Variants in DNM3 observed in about 807,000 individuals in gnomAD.
DNM3 encodes the protein dynamin-3.
DNM3 carries 47 observed loss-of-function variants against 101.6 expected under a neutral mutation model. The observed-to-expected ratio is 0.46, with a 90% CI of 0.37 to 0.59. The LOEUF is 0.59. Among genes scored for constraint, DNM3 ranks in the 20% least tolerant of loss-of-function variants. The pLI is 0.00. For missense variants in DNM3, 849 were observed against 1,085.7 expected (o/e 0.78, Z 3.06); for synonymous variants, 385 against 387.9 (o/e 0.99, Z 0.09).
At chr1:172,248,068 C>T (rs1022154218) in intron 14 of DNM3, among the ~76,000 whole-genome samples, 7 of 152,072 alleles carry the variant, frequency 4.6e-5, no homozygotes, top group Non-Finnish European at 8.8e-5. Context: ...CTCCTAGGAG[C>T]AGAATCTATG....
intron 2 of DNM3, among the ~76,000 whole-genome samples, chr1:171,973,045 C>T (rs987472864): frequency 4.6e-5 from 7 of 152,026 alleles, no homozygotes; most frequent in Non-Finnish European, 8.8e-5. Context: ...GTCATAACCC[C>T]AGAAACAAGA....
rs74316353 is a variant in DNM3 at position 172,134,589 on chromosome 1, C to G, written c.1659+3301C>G. Among the ~76,000 whole-genome samples, 1,116 of 152,212 alleles carry G rather than the reference C, an allele frequency of 7.3e-3. 17 individuals are homozygous for G. The highest frequency in any genetic ancestry group is 0.025 in the African/African-American group (1,039 of 41,530). On this transcript the variant is annotated intron_variant, in intron 14 of 20. Coordinates refer to ENST00000627582, the MANE Select transcript of DNM3 (RefSeq NM_015569.5). Reference sequence around the variant, plus strand: ...TACTTTCTGAACACTTGTTATGTACCAGGCACTGTCCTAATCACTAAGGAT... The same window carrying G: ...TACTTTCTGAACACTTGTTATGTACGAGGCACTGTCCTAATCACTAAGGAT...
chr1:172,414,748 C>A (rs2071366020), downstream of DNM3, among the ~76,000 whole-genome samples: 1 of 69,102 alleles, frequency 1.4e-5, no homozygotes, highest in African/African-American at 6.3e-5. Context: ...AAGACCTCAT[C>A]TCTAAAAAAA....
intron 13 of DNM3, among the ~76,000 whole-genome samples, chr1:172,118,669 A>C (rs1313833983): frequency 6.6e-6 from 1 of 151,806 alleles, no homozygotes; most frequent in African/African-American, 2.4e-5. Flanking sequence ...TCTGTCACCC[A>C]CCCGTTCCAC....
chr1:172,119,085 C>T (rs61807763), intron 13 of DNM3, among the ~76,000 whole-genome samples: 28,260 of 151,742 alleles, frequency 0.19, 3,566 homozygotes, highest in Non-Finnish European at 0.28. Context: ...CTCCGCCTCC[C>T]GGGTTCAAGC....
At chr1:172,166,027 C>T (rs1401161946) in intron 14 of DNM3, among the ~76,000 whole-genome samples, 1 of 152,162 alleles carries the variant, frequency 6.6e-6, no homozygotes, top group Non-Finnish European at 1.5e-5. Context: ...GAGGGTCTCT[C>T]TTCCGAGATC....
intron 4 of DNM3, among the ~76,000 whole-genome samples, chr1:171,997,616 A>G (rs1226545362): frequency 1.3e-5 from 2 of 152,158 alleles, no homozygotes; most frequent in Admixed American, 1.3e-4. Flanking sequence ...TCGTGCTCAT[A>G]TACACTAACA....
At chr1:172,066,990 G>A (rs545403405) in intron 10 of DNM3, among the ~76,000 whole-genome samples, 63 of 151,816 alleles carry the variant, frequency 4.1e-4, no homozygotes, top group Admixed American at 9.2e-4. Flanking sequence ...GTGTGTGTGC[G>A]CGCGTGCAAG....
intron 17 of DNM3, among the ~76,000 whole-genome samples, chr1:172,368,418 T>A (rs1424653852): frequency 6.6e-6 from 1 of 151,854 alleles, no homozygotes; most frequent in African/African-American, 2.4e-5. Flanking sequence ...AAAAAATTTC[T>A]TGAAACAAAT....
At chr1:172,283,780 A>AAAAG (rs1553221114) in intron 15 of DNM3, among the ~76,000 whole-genome samples, 1,461 of 117,732 alleles carry the variant, frequency 0.012, 27 homozygotes, top group African/African-American at 0.04. Flanking sequence ...AAAAAAAAAA[A>AAAAG]AAAGAAAGAA....
At chr1:172,119,193 T>C (rs529332391) in intron 13 of DNM3, among the ~76,000 whole-genome samples, 56 of 152,042 alleles carry the variant, frequency 3.7e-4, no homozygotes, top group African/African-American at 1.2e-3. Context: ...GGTTTATCCA[T>C]ATTGGTGAGG....
chr1:172,315,558 T>G (rs1190860307), intron 16 of DNM3, among the ~76,000 whole-genome samples: 2 of 152,146 alleles, frequency 1.3e-5, no homozygotes, highest in Non-Finnish European at 2.9e-5. Flanking sequence ...CTGATGGAGC[T>G]GAAAGCCAAC....
intron 14 of DNM3, chr1:172,138,883 C>T: frequency 2.1e-6 from 1 of 474,198 alleles, no homozygotes; most frequent in Non-Finnish European, 4.4e-6. Context: ...CAGGCAGACA[C>T]ATGACAACTC....
chr1:172,111,318 T>G (rs2055461798), intron 13 of DNM3, among the ~76,000 whole-genome samples: 1 of 152,214 alleles, frequency 6.6e-6, no homozygotes, highest in South Asian at 2.1e-4. Flanking sequence ...AGAACCATGG[T>G]ACCAATAATT....
intron 1 of DNM3, among the ~76,000 whole-genome samples, chr1:171,869,589 T>A (rs2035083702): frequency 6.6e-6 from 1 of 152,216 alleles, no homozygotes. Flanking sequence ...TTGACCTGAA[T>A]TTTTCTGGCT....
At chr1:171,858,756 C>T (rs1349497575) in intron 1 of DNM3, among the ~76,000 whole-genome samples, 1 of 152,094 alleles carries the variant, frequency 6.6e-6, no homozygotes, top group South Asian at 2.1e-4. Flanking sequence ...CTGAGGATAA[C>T]GAATGCAGTG....
intron 13 of DNM3, among the ~76,000 whole-genome samples, chr1:172,110,168 C>T (rs1297320533): frequency 6.6e-6 from 1 of 152,186 alleles, no homozygotes; most frequent in East Asian, 1.9e-4. Context: ...TTCTGTGTTC[C>T]AGGTCTCCAG....
intron 17 of DNM3, among the ~76,000 whole-genome samples, chr1:172,352,374 G>C (rs1457577222): frequency 1.3e-5 from 2 of 151,794 alleles, no homozygotes; most frequent in Non-Finnish European, 2.9e-5. Context: ...TTTTATATGA[G>C]TGTTAACTGG....
intron 2 of DNM3, among the ~76,000 whole-genome samples, chr1:171,964,921 TA>T (rs2043466128): frequency 6.6e-6 from 1 of 152,036 alleles, no homozygotes; most frequent in Non-Finnish European, 1.5e-5. Flanking sequence ...ATGACACTTC[TA>T]ACACTGAATG....
Sources: allele counts gnomAD v4.1 joint callset (sites outside exome capture counted in the v4.1 genomes callset), GRCh38; gene constraint gnomAD v4.1.1; transcripts MANE v1.5; gene names NCBI Gene and HGNC (gene_info 2026-07-23, HGNC 2026-07-21).